Variants in DNAJC3 observed in about 807,000 individuals in gnomAD.
DNAJC3 encodes dnaJ homolog subfamily C member 3.
Under a neutral mutation model 68.6 loss-of-function variants are expected in DNAJC3, and 38 were observed. That is an observed-to-expected ratio of 0.55 (90% confidence interval 0.43 to 0.73). The LOEUF (loss-of-function observed/expected upper bound fraction) is 0.73, where lower values mean the gene tolerates loss of function less well. Among genes scored for constraint, DNAJC3 ranks in the 30% least tolerant of loss-of-function variants. The pLI is 0.00. For missense variants in DNAJC3, 526 were observed against 591.9 expected (o/e 0.89, Z 1.16); for synonymous variants, 203 against 204.0 (o/e 1.00, Z 0.04).
chr13:95,755,309 G>GCTGTAGTGGCATGCAC (rs1882618263), intron 4 of DNAJC3, among the ~76,000 whole-genome samples: 1 of 152,114 alleles, frequency 6.6e-6, no homozygotes, highest in East Asian at 1.9e-4. Context: ...AAATTAGCTG[G>GCTGTAGTGGCATGCAC]CTGTAGTGGC....
intron 9 of DNAJC3, among the ~76,000 whole-genome samples, chr13:95,774,001 C>T (rs1475492431): frequency 6.6e-6 from 1 of 152,190 alleles, no homozygotes; most frequent in Non-Finnish European, 1.5e-5. Flanking sequence ...TCCCAAAGTG[C>T]TGGGATTACA....
At position 95,787,023 on chromosome 13, in the gene DNAJC3, G is replaced by GA. The variant is rs1195866015; in HGVS notation, c.1228dup (p.Ile410AsnfsTer3). On this transcript the variant is annotated frameshift_variant, in exon 11 of 12. Coordinates refer to ENST00000602402, the MANE Select transcript of DNAJC3 (RefSeq NM_006260.5). LOFTEE classifies it high-confidence loss of function. The stretch of plus-strand genomic sequence containing the variant: ...ACCCCTCAGAAATGCCAAAAAGCAA[G>GA]AAATTATTAAAGCATACCGAAAATT... The GA allele has an allele frequency of 6.2e-7, 1 of 1,607,616 alleles. No homozygotes were observed. The highest frequency in any genetic ancestry group is 8.5e-7 in the Non-Finnish European group (1 of 1,178,206).
rs1254311029 is a variant in DNAJC3 at position 95,793,130 on chromosome 13, T to C, written c.*2100T>C. On this transcript the variant is annotated 3_prime_UTR_variant, in exon 12 of 12. Transcript: ENST00000602402. The stretch of plus-strand genomic sequence containing the variant: ...TTCTTATCATGGATTTACTTAGTCA[T>C]CTTAACTGACCTGCAGTTACTTGCC... 1 of 152,226 alleles carries C rather than the reference T, an allele frequency of 6.6e-6. No individual in the cohort carries two copies. The highest frequency in any genetic ancestry group is 1.5e-5 in the Non-Finnish European group (1 of 68,054). 9.4% of individuals were successfully genotyped at this position (152,226 alleles called of 1,614,324 possible).
At chr13:95,768,085 T>A (rs1883054837) in intron 9 of DNAJC3, among the ~76,000 whole-genome samples, 1 of 152,156 alleles carries the variant, frequency 6.6e-6, no homozygotes, top group Non-Finnish European at 1.5e-5. Flanking sequence ...TGGTTTTGAT[T>A]TATATTTCCC....
At chr13:95,712,978 T>C (rs1348729363) in intron 2 of DNAJC3, among the ~76,000 whole-genome samples, 3 of 152,100 alleles carry the variant, frequency 2.0e-5, no homozygotes, top group African/African-American at 7.2e-5. Context: ...TCATAAGATC[T>C]GATGGTTTTA....
intron 4 of DNAJC3, among the ~76,000 whole-genome samples, chr13:95,733,703 CTTTT>C (rs146677839): frequency 7.8e-5 from 8 of 102,958 alleles, no homozygotes; most frequent in African/African-American, 1.8e-4. Context: ...CCTGGCCTGT[CTTTT>C]TTTTTTTTTT....
At chr13:95,754,831 G>C (rs1037509081) in intron 4 of DNAJC3, among the ~76,000 whole-genome samples, 1 of 152,128 alleles carries the variant, frequency 6.6e-6, no homozygotes, top group African/African-American at 2.4e-5. Context: ...TATTTGAGGC[G>C]CCAGAAGTAG....
At chr13:95,681,969 C>T (rs1383140573) in intron 1 of DNAJC3, among the ~76,000 whole-genome samples, 1 of 152,130 alleles carries the variant, frequency 6.6e-6, no homozygotes, top group Non-Finnish European at 1.5e-5. Context: ...GTCTCTATTC[C>T]CAGATAAATC....
chr13:95,695,291 C>A (rs1215667317), intron 1 of DNAJC3: 4 of 152,142 alleles, frequency 2.6e-5, no homozygotes, highest in Non-Finnish European at 5.9e-5. Flanking sequence ...CTTCTAATAA[C>A]TCTAGTATTA....
intron 1 of DNAJC3, among the ~76,000 whole-genome samples, chr13:95,680,347 A>G (rs1219871752): frequency 2.0e-5 from 3 of 152,244 alleles, no homozygotes; most frequent in Admixed American, 1.3e-4. Flanking sequence ...TTGAAAATAT[A>G]TAGTTGAAAA....
At chr13:95,724,883 G>T (rs1326459113) in intron 3 of DNAJC3, among the ~76,000 whole-genome samples, 1 of 152,088 alleles carries the variant, frequency 6.6e-6, no homozygotes, top group African/African-American at 2.4e-5. Context: ...TAGTTGATGG[G>T]AATTGGGTTA....
chr13:95,792,693 A>AACT lies in DNAJC3; in HGVS notation c.*1665_*1667dup, dbSNP rs1883815549. 6.6e-6 allele frequency: 1 copy of AACT among 152,230 alleles called. No homozygotes were observed. The highest frequency in any genetic ancestry group is 2.1e-4 in the South Asian group (1 of 4,824). The allele number at this position is 152,230 out of a possible 1,614,324, so 9.4% of individuals were successfully genotyped here. A position where few individuals can be genotyped will look rare whatever the true frequency, so the allele number is the denominator to read the frequency against. On this transcript the variant is annotated 3_prime_UTR_variant, in exon 12 of 12. Coordinates refer to ENST00000602402, the MANE Select transcript of DNAJC3 (RefSeq NM_006260.5). ...AATAAACTTGACAACGCATTTGGAA[A>AACT]ACTAGTGAACACCTTACAGCTTTCA...
At chr13:95,706,146 C>A (rs1157870163) in intron 1 of DNAJC3, among the ~76,000 whole-genome samples, 1 of 152,190 alleles carries the variant, frequency 6.6e-6, no homozygotes, top group African/African-American at 2.4e-5. Flanking sequence ...ATCTCTAGTA[C>A]AGAAGTAGTC....
chr13:95,745,690 C>T lies in DNAJC3; in HGVS notation c.394-11954C>T, dbSNP rs143315049. ...CCTGGCTTCAACCTGTTTGGATATG[C>T]CTGTGGTCCCTATAGCCCTCATATG... On this transcript the variant is annotated intron_variant, in intron 4 of 11. Transcript: ENST00000602402. 3.2e-3 allele frequency: 485 copies of T among 152,344 alleles called. 2 individuals are homozygous for T. Among genetic ancestry groups the T allele is most frequent in the African/African-American group, 0.011 (469 of 41,566 alleles). 9.4% of individuals were successfully genotyped at this position (152,344 alleles called of 1,614,324 possible).
Position 95,763,733 on chromosome 13 carries a change from C to T in DNAJC3, c.939C>T (p.Cys313=). 1.2e-6 allele frequency: 2 copies of T among 1,613,992 alleles called. No individual in the cohort carries two copies. Among genetic ancestry groups the T allele is most frequent in the Non-Finnish European group, 1.7e-6 (2 of 1,179,898 alleles). Residue 313 remains cysteine (C), a synonymous_variant, in exon 8 of 12, where the codon TGC becomes TGT. Transcript: ENST00000602402. ...CAGTTCGTTCAAAGGAGAGGATTTG[C>T]CACTGCTTTTCTAAGGTAACAGTTG... ...EYTVRSKERI[C]HCFSKDEKPV...
chr13:95,692,378 C>T (rs895395461), intron 1 of DNAJC3, among the ~76,000 whole-genome samples: 3 of 151,886 alleles, frequency 2.0e-5, no homozygotes, highest in Admixed American at 1.3e-4. Context: ...GGGGGGTTGG[C>T]GTCCCTTCAT....
intron 9 of DNAJC3, among the ~76,000 whole-genome samples, chr13:95,768,627 C>T (rs564694936): frequency 6.6e-6 from 1 of 152,220 alleles, no homozygotes; most frequent in East Asian, 1.9e-4. Flanking sequence ...TCCTGGGACT[C>T]CACCCTGTTA....
intron 9 of DNAJC3, among the ~76,000 whole-genome samples, chr13:95,785,074 A>T (rs1376784969): frequency 6.6e-6 from 1 of 152,190 alleles, no homozygotes; most frequent in Non-Finnish European, 1.5e-5. Context: ...AATAGTGTTA[A>T]AGCCTGTGGG....
At chr13:95,763,405 G>T (rs1296048233) in intron 7 of DNAJC3, among the ~76,000 whole-genome samples, 1 of 152,124 alleles carries the variant, frequency 6.6e-6, no homozygotes, top group Non-Finnish European at 1.5e-5. Context: ...ATACTCACAG[G>T]TATGCTTTGT....
Sources: gnomAD v4.1 joint callset for allele counts (sites outside exome capture counted in the v4.1 genomes callset) on GRCh38, gnomAD v4.1.1 for gene constraint, MANE v1.5 for transcripts, NCBI Gene and HGNC (gene_info 2026-07-23, HGNC 2026-07-21) for gene names.